Variants in AGFG1 observed in about 807,000 individuals in gnomAD.
AGFG1 encodes arf-GAP domain and FG repeat-containing protein 1.
AGFG1 carries 10 observed loss-of-function variants against 60.6 expected under a neutral mutation model. The ratio of observed to expected loss-of-function variants is 0.16; its 90% CI spans 0.10 to 0.28. The LOEUF (loss-of-function observed/expected upper bound fraction) is 0.28. Ranked by LOEUF, AGFG1 falls within the 10% of genes least tolerant of loss-of-function variation. AGFG1 has a pLI of 1.00. For missense variants in AGFG1, 537 were observed against 676.5 expected, an observed-to-expected ratio of 0.79 and a Z score of 2.29; for synonymous variants, 247 against 242.9, an observed-to-expected ratio of 1.02 and a Z score of -0.16.
chr2:227,473,489 T>G (rs1320647452), intron 1 of AGFG1, among the ~76,000 whole-genome samples: 1 of 152,198 alleles, frequency 6.6e-6, no homozygotes, highest in Non-Finnish European at 1.5e-5. Flanking sequence ...CACCATGATT[T>G]CAGAAAGACA....
At chr2:227,502,843 TTGAG>T (rs1430843817) in intron 2 of AGFG1, among the ~76,000 whole-genome samples, 8 of 152,326 alleles carry the variant, frequency 5.3e-5, no homozygotes, top group African/African-American at 7.2e-5. Context: ...GTGATAGGGA[TTGAG>T]TTTCATATTT....
intron 2 of AGFG1, among the ~76,000 whole-genome samples, chr2:227,507,651 T>C (rs1224114035): frequency 6.6e-6 from 1 of 151,500 alleles, no homozygotes; most frequent in East Asian, 1.9e-4. Flanking sequence ...ATTTTTTTTG[T>C]TTTGGAAAAA....
intron 10 of AGFG1, 61 bp downstream of exon 10, chr2:227,537,054 C>T: frequency 3.5e-6 from 5 of 1,424,450 alleles, no homozygotes; most frequent in Non-Finnish European, 4.9e-6. Flanking sequence ...ACAAAGACAC[C>T]ATGTGAAGAA....
chr2:227,474,699 A>T (rs935112619), intron 1 of AGFG1, among the ~76,000 whole-genome samples: 3 of 152,240 alleles, frequency 2.0e-5, no homozygotes, highest in Non-Finnish European at 4.4e-5. Flanking sequence ...GCCAGGAAAT[A>T]TGTAAATGAT....
rs1403761617 is a variant in AGFG1, at chr2:227,556,120, C to G, written c.*1625C>G. On this transcript the variant is annotated 3_prime_UTR_variant, in exon 13 of 13. Coordinates refer to ENST00000310078, the MANE Select transcript of AGFG1 (RefSeq NM_004504.5). ...TTAAGTAAAGGTGAAATTGCATACA[C>G]AGATATGTAGTACATATTTTAAAAG... 1 of 152,170 alleles carries G rather than the reference C, an allele frequency of 6.6e-6. No individual in the cohort carries two copies. Among genetic ancestry groups the G allele is most frequent in the Non-Finnish European group, 1.5e-5 (1 of 68,028 alleles). 9.4% of individuals were successfully genotyped at this position (152,170 alleles called of 1,614,324 possible). A position where few individuals can be genotyped will look rare whatever the true frequency, so the allele number is the denominator to read the frequency against.
intron 2 of AGFG1, among the ~76,000 whole-genome samples, chr2:227,501,205 A>G (rs1229864509): frequency 2.0e-5 from 3 of 151,932 alleles, no homozygotes; most frequent in Non-Finnish European, 2.9e-5. Context: ...TTCAGCCTCC[A>G]GAGTAGCTGG....
At chr2:227,503,692 C>A (rs990944981) in intron 2 of AGFG1, among the ~76,000 whole-genome samples, 2 of 152,162 alleles carry the variant, frequency 1.3e-5, no homozygotes, top group African/African-American at 4.8e-5. Context: ...GAAAGGCACA[C>A]CAGGATCTGA....
chr2:227,498,430 ACCAT>A (rs1461630991), intron 2 of AGFG1, among the ~76,000 whole-genome samples: 3 of 152,166 alleles, frequency 2.0e-5, no homozygotes, highest in Admixed American at 2.0e-4. Flanking sequence ...CAGGTTTAAA[ACCAT>A]CCAATTAAAA....
chr2:227,544,359 T>C (rs1692580847), intron 10 of AGFG1, among the ~76,000 whole-genome samples: 2 of 152,102 alleles, frequency 1.3e-5, no homozygotes, highest in Non-Finnish European at 2.9e-5. Context: ...TTTCACCTTG[T>C]TAGCCAGGAT....
chr2:227,543,318 T>C (rs576664397), intron 10 of AGFG1, among the ~76,000 whole-genome samples: 1 of 152,370 alleles, frequency 6.6e-6, no homozygotes, highest in Admixed American at 6.5e-5. Flanking sequence ...CTCTACACAC[T>C]GCTTTAAATC....
chr2:227,524,026 A>G (rs751684513), intron 4 of AGFG1, 101 bp downstream of exon 4: 6 of 1,153,826 alleles, frequency 5.2e-6, no homozygotes, highest in Non-Finnish European at 7.4e-6. Flanking sequence ...CTTGTATGCC[A>G]GTAGCATTAT....
At chr2:227,528,173 A>T (rs1019829351) in intron 5 of AGFG1, among the ~76,000 whole-genome samples, 1 of 152,242 alleles carries the variant, frequency 6.6e-6, no homozygotes, top group Non-Finnish European at 1.5e-5. Context: ...TTAAATATTA[A>T]TAAAAACATT....
rs1035399875 is a variant in AGFG1, at chr2:227,560,070, A to G, written c.*5575A>G. ...TAAGAAATGTTATCGTTTATTTTAT[A>G]TATGGCTCTCTCTCTGTATGCCTCT... On this transcript the variant is annotated 3_prime_UTR_variant, in exon 13 of 13. Coordinates refer to ENST00000310078, the MANE Select transcript of AGFG1 (RefSeq NM_004504.5). 6.6e-5 allele frequency: 10 copies of G among 152,096 alleles called. No individual in the cohort carries two copies. Among genetic ancestry groups the G allele is most frequent in the African/African-American group, 2.4e-4 (10 of 41,442 alleles). The allele number at this position is 152,096 out of a possible 1,614,324, so 9.4% of individuals were successfully genotyped here. A position where few individuals can be genotyped will look rare whatever the true frequency, so the allele number is the denominator to read the frequency against.
rs1443869116 is a variant in AGFG1 at position 227,556,361 on chromosome 2, T to C, written c.*1866T>C. The C allele has an allele frequency of 6.6e-6, 1 of 152,666 alleles. No homozygotes were observed. Among genetic ancestry groups the C allele is most frequent in the African/African-American group, 2.4e-5 (1 of 41,466 alleles). 9.5% of individuals were successfully genotyped at this position (152,666 alleles called of 1,614,324 possible). A position where few individuals can be genotyped will look rare whatever the true frequency, so the allele number is the denominator to read the frequency against. ...AAAAGTGTGGTTTATCTAAACCGTT[T>C]TAATAAGCAAGATGACTGGGAAATC... On this transcript the variant is annotated 3_prime_UTR_variant, in exon 13 of 13. Transcript: ENST00000310078.
At position 227,554,664 on chromosome 2, in the gene AGFG1, T is replaced by A. The variant is rs1692920188; in HGVS notation, c.*169T>A. On this transcript the variant is annotated 3_prime_UTR_variant, in exon 13 of 13. Coordinates refer to ENST00000310078, the MANE Select transcript of AGFG1 (RefSeq NM_004504.5). Reference sequence around the variant, plus strand: ...AGGTAATATGTGCAAAACCGAGGGCTCCAGTAACACCTTCTAACCTGTGAA... The same window carrying A: ...AGGTAATATGTGCAAAACCGAGGGCACCAGTAACACCTTCTAACCTGTGAA... The A allele has an allele frequency of 3.7e-6, 2 of 537,226 alleles. No individual in the cohort carries two copies. Among genetic ancestry groups the A allele is most frequent in the Non-Finnish European group, 6.6e-6 (2 of 303,854 alleles). The allele number at this position is 537,226 out of a possible 1,614,324, so 33.3% of individuals were successfully genotyped here.
At chr2:227,510,931 T>C (rs961230330) in intron 2 of AGFG1, 15 of 152,266 alleles carry the variant, frequency 9.9e-5, no homozygotes, top group African/African-American at 3.4e-4. Context: ...CTTCTTTTTT[T>C]TCCTTTGTGA....
At chr2:227,528,577 A>G (rs1423420232) in intron 5 of AGFG1, among the ~76,000 whole-genome samples, 1 of 152,216 alleles carries the variant, frequency 6.6e-6, no homozygotes, top group African/African-American at 2.4e-5. Context: ...TTCTGGTTTT[A>G]TCTCCATTTT....
intron 2 of AGFG1, among the ~76,000 whole-genome samples, chr2:227,515,360 T>C (rs1691620452): frequency 2.0e-5 from 3 of 152,196 alleles, no homozygotes; most frequent in Non-Finnish European, 2.9e-5. Context: ...GACCTTTTAT[T>C]GATTGATAAC....
At chr2:227,505,459 A>G (rs1324853971) in intron 2 of AGFG1, among the ~76,000 whole-genome samples, 1 of 151,642 alleles carries the variant, frequency 6.6e-6, no homozygotes, top group African/African-American at 2.4e-5. Flanking sequence ...CATGGATGTT[A>G]GGCATTTTGA....
Sources: gnomAD v4.1 joint callset for allele counts (sites outside exome capture counted in the v4.1 genomes callset) on GRCh38, gnomAD v4.1.1 for gene constraint, MANE v1.5 for transcripts, NCBI Gene and HGNC (gene_info 2026-07-23, HGNC 2026-07-21) for gene names.